CUBN: variants seen among roughly 807,000 people sequenced by gnomAD.
CUBN encodes the protein 460 kDa receptor.
Under a neutral mutation model 405.3 loss-of-function variants are expected in CUBN, and 282 were observed. The observed-to-expected ratio is 0.70, with a 90% CI of 0.63 to 0.77. The LOEUF (loss-of-function observed/expected upper bound fraction) is 0.77. Among genes scored for constraint, CUBN ranks in the 30% least tolerant of loss-of-function variants. CUBN has a pLI of 0.00. For synonymous variants in CUBN, 1,684 were observed against 1,617.0 expected (o/e 1.04, Z -0.99); for missense variants, 4,514 against 4,475.2 (o/e 1.01, Z -0.25).
Position 16,836,205 on chromosome 10 carries a change from T to C in CUBN, c.10180+30A>G, listed in dbSNP as rs703062. On this transcript the variant is annotated intron_variant, in intron 63 of 66. Coordinates refer to ENST00000377833, the MANE Select transcript of CUBN (RefSeq NM_001081.4). Reference sequence around the variant, plus strand: ...AATAATGGTAATGATGGCAGCTTTTTTGAATAAAAGATGAAGTTCCTGGCC... The same window carrying C: ...AATAATGGTAATGATGGCAGCTTTTCTGAATAAAAGATGAAGTTCCTGGCC... 1,237,892 of 1,594,828 alleles carry C rather than the reference T, an allele frequency of 0.78. 484,455 individuals carry two copies. The highest frequency in any genetic ancestry group is 0.8 in the Non-Finnish European group (931,889 of 1,162,848).
At chr10:17,122,042 C>T (rs1837054775) in intron 6 of CUBN, 1 of 152,256 alleles carries the variant, frequency 6.6e-6, no homozygotes. Context: ...ATTTTTTGGA[C>T]TTCGTTTTTA....
At chr10:17,118,915 T>C (rs948417425) in intron 6 of CUBN, among the ~76,000 whole-genome samples, 1 of 152,228 alleles carries the variant, frequency 6.6e-6, no homozygotes, top group Admixed American at 6.5e-5. Context: ...GTTACTGATA[T>C]AGCAGAAGTG....
chr10:17,056,062 G>A (rs970078504), intron 22 of CUBN, among the ~76,000 whole-genome samples: 1 of 152,062 alleles, frequency 6.6e-6, no homozygotes, highest in African/African-American at 2.4e-5. Flanking sequence ...TATTGTTAAA[G>A]GGGTAAATAT....
chr10:16,968,788 G>A (rs189978486), intron 31 of CUBN, among the ~76,000 whole-genome samples: 1 of 152,262 alleles, frequency 6.6e-6, no homozygotes, highest in Non-Finnish European at 1.5e-5. Flanking sequence ...GAAACGTAAT[G>A]AAGCCACTTG....
chr10:16,846,114 T>C (rs1839501021), intron 60 of CUBN, among the ~76,000 whole-genome samples: 1 of 152,242 alleles, frequency 6.6e-6, no homozygotes, highest in African/African-American at 2.4e-5. Context: ...AGTTTTGATA[T>C]GCACCAAATT....
At chr10:16,875,305 G>A (rs1399707529) in intron 57 of CUBN, among the ~76,000 whole-genome samples, 1 of 152,064 alleles carries the variant, frequency 6.6e-6, no homozygotes, top group African/African-American at 2.4e-5. Context: ...TTACATATGA[G>A]GATCAGATTG....
Position 16,928,174 on chromosome 10 carries a change from T to A in CUBN, c.6254A>T (p.Asn2085Ile), listed in dbSNP as rs569527072. ...CTCATTACTCTTGTGAAAGGATGCA[T>A]TGAAGCCTGCCCTGGTTACACTGGA... ...SDSSVTRAGF[N>I]ASFHKSCGGY... Residue 2085 changes from asparagine to isoleucine, a missense_variant, in exon 41 of 67, where the codon AAT (asparagine) becomes ATT (isoleucine). Asn to Ile is a moderately radical substitution (Grantham distance 149, BLOSUM62 -3). This residue lies in a region of CUBN where 1,613 missense variants were observed against 1,542.8 expected (regional missense o/e 1.05). Coordinates refer to ENST00000377833, the MANE Select transcript of CUBN (RefSeq NM_001081.4). 6.2e-7 allele frequency: 1 copy of A among 1,613,724 alleles called. No homozygotes were observed. The highest frequency in any genetic ancestry group is 8.5e-7 in the Non-Finnish European group (1 of 1,179,842).
chr10:16,984,867 G>A lies in CUBN; in HGVS notation c.4351-588C>T, dbSNP rs534955788. Reference sequence around the variant, plus strand: ...TATAACACGTATGCTTCTTTAGGAGGAGTGGAAATACCAGCTCTCTGGGTG... The same window carrying A: ...TATAACACGTATGCTTCTTTAGGAGAAGTGGAAATACCAGCTCTCTGGGTG... On this transcript the variant is annotated intron_variant, in intron 29 of 66. Transcript: ENST00000377833. Among the ~76,000 whole-genome samples, 5 of 152,292 alleles carry A rather than the reference G, an allele frequency of 3.3e-5. No homozygotes were observed. In the East Asian group the frequency reaches 7.7e-4, roughly 24 times the overall value.
At chr10:16,866,346 G>C (rs1840182615) in intron 59 of CUBN, among the ~76,000 whole-genome samples, 1 of 152,176 alleles carries the variant, frequency 6.6e-6, no homozygotes, top group Admixed American at 6.5e-5. Context: ...AGAACTGGAG[G>C]CTCTGATGGT....
At chr10:17,082,687 T>C (rs1170001042) in intron 17 of CUBN, among the ~76,000 whole-genome samples, 2 of 152,286 alleles carry the variant, frequency 1.3e-5, no homozygotes, top group African/African-American at 4.8e-5. Context: ...AAGACCTTCC[T>C]CCCTATGGAA....
At chr10:16,869,893 G>A (rs753074312) in intron 58 of CUBN, 40 bp from the exon 59 acceptor site, 8 of 1,424,792 alleles carry the variant, frequency 5.6e-6, no homozygotes, top group Non-Finnish European at 6.9e-6. Flanking sequence ...TTTCCATTTG[G>A]ACTTCTATTA....
Position 16,963,187 on chromosome 10 carries a change from C to CTTTTTTTTTTTTTTTTTTTTTTTTT in CUBN, c.4696-8640_4696-8639insAAAAAAAAAAAAAAAAAAAAAAAAA, listed in dbSNP as rs1189695066. ...ATACATTTCTTTTTTCTTTTCTTTT[C>CTTTTTTTTTTTTTTTTTTTTTTTTT]TTTTTTTTCTTTTTTTTTTTTTTTT... On this transcript the variant is annotated intron_variant, in intron 31 of 66. Coordinates refer to ENST00000377833, the MANE Select transcript of CUBN (RefSeq NM_001081.4). 2.6e-4 allele frequency among the ~76,000 whole-genome samples: 22 copies of CTTTTTTTTTTTTTTTTTTTTTTTTT among 84,380 alleles called. 4 individuals are homozygous for CTTTTTTTTTTTTTTTTTTTTTTTTT. Among genetic ancestry groups the CTTTTTTTTTTTTTTTTTTTTTTTTT allele is most frequent in the African/African-American group, 6.8e-4 (14 of 20,668 alleles). 55.4% of individuals were successfully genotyped at this position (84,380 alleles called of 152,430 possible).
intron 39 of CUBN, among the ~76,000 whole-genome samples, chr10:16,935,734 G>T (rs2131598944): frequency 6.6e-6 from 1 of 151,830 alleles, no homozygotes; most frequent in Non-Finnish European, 1.5e-5. Flanking sequence ...AAAAAAATCA[G>T]CCAGGTGTGG....
chr10:17,006,551 TAAAC>T (rs1336146672), intron 28 of CUBN, among the ~76,000 whole-genome samples: 2 of 152,136 alleles, frequency 1.3e-5, no homozygotes, highest in Non-Finnish European at 2.9e-5. Flanking sequence ...AGACCAGTGA[TAAAC>T]AAAGGCTAAT....
chr10:16,996,366 C>T (rs1787563659), intron 28 of CUBN, among the ~76,000 whole-genome samples: 1 of 152,212 alleles, frequency 6.6e-6, no homozygotes, highest in African/African-American at 2.4e-5. Flanking sequence ...CAAACTCTCA[C>T]TCATCTGCCG....
At chr10:16,901,553 G>A (rs1841371768) in intron 51 of CUBN, 94 bp from the exon 52 acceptor site, 3 of 1,525,622 alleles carry the variant, frequency 2.0e-6, no homozygotes, top group Non-Finnish European at 2.7e-6. Context: ...ATCAGATTTT[G>A]TGATTAAAAA....
At chr10:16,961,765 G>A (rs1465292490) in intron 31 of CUBN, among the ~76,000 whole-genome samples, 2 of 131,348 alleles carry the variant, frequency 1.5e-5, no homozygotes, top group East Asian at 2.3e-4. Context: ...AGGCTGGAGT[G>A]CAGTGGCGGG....
intron 17 of CUBN, among the ~76,000 whole-genome samples, chr10:17,080,446 A>G (rs770953364): frequency 1.3e-5 from 2 of 152,118 alleles, no homozygotes; most frequent in Non-Finnish European, 2.9e-5. Context: ...ATATTTTTCA[A>G]CTTTTCTGTT....
intron 31 of CUBN, among the ~76,000 whole-genome samples, chr10:16,957,927 T>C (rs900892111): frequency 6.6e-6 from 1 of 151,916 alleles, no homozygotes; most frequent in Non-Finnish European, 1.5e-5. Flanking sequence ...CTCTAAGATT[T>C]TGCAAGTCCA....
Sources: gnomAD v4.1 joint callset for allele counts (sites outside exome capture counted in the v4.1 genomes callset) on GRCh38, gnomAD v4.1.1 for gene constraint, gnomAD v4.1.1 regional missense constraint, MANE v1.5 for transcripts, NCBI Gene and HGNC (gene_info 2026-07-23, HGNC 2026-07-21) for gene names.